REDIC1: variants seen among roughly 807,000 people sequenced by gnomAD.
The protein encoded by REDIC1 is regulator of DNA class I crossover intermediates 1, also known as HEI10 Interacting Protein 1.
the REDIC1 span, among the ~76,000 whole-genome samples, chr12:39,724,418 T>G: frequency 6.6e-6 from 1 of 152,126 alleles, no homozygotes; most frequent in Admixed American, 6.6e-5. Flanking sequence ...GCTGAGTTCC[T>G]CAGAAGGATT....
chr12:39,697,433 ACTGATAAT>A, the REDIC1 span, among the ~76,000 whole-genome samples: 1 of 152,246 alleles, frequency 6.6e-6, no homozygotes, highest in Non-Finnish European at 1.5e-5. Context: ...TACAAAACTC[ACTGATAAT>A]AATAAGTACA....
chr12:39,724,816 C>G, the REDIC1 span, among the ~76,000 whole-genome samples: 7 of 151,094 alleles, frequency 4.6e-5, no homozygotes, highest in African/African-American at 1.7e-4. Flanking sequence ...ATCCAGAATG[C>G]CAGAAGAGAA....
At chr12:39,798,981 G>T in the REDIC1 span, among the ~76,000 whole-genome samples, 1 of 150,260 alleles carries the variant, frequency 6.7e-6, no homozygotes, top group African/African-American at 2.4e-5. Context: ...AAACAAAGGT[G>T]TTGCTTGTTT....
chr12:39,881,159 T>C, the REDIC1 span, among the ~76,000 whole-genome samples: 1 of 152,200 alleles, frequency 6.6e-6, no homozygotes, highest in Non-Finnish European at 1.5e-5. Context: ...CAATAAAGGT[T>C]GAGTTATTTT....
chr12:39,725,828 G>A, the REDIC1 span, among the ~76,000 whole-genome samples: 65 of 151,874 alleles, frequency 4.3e-4, no homozygotes, highest in African/African-American at 1.1e-3. Flanking sequence ...AAACACAACC[G>A]TATGAGATAA....
chr12:39,812,995 A>T, the REDIC1 span, among the ~76,000 whole-genome samples: 10 of 13,158 alleles, frequency 7.6e-4, no homozygotes, highest in Admixed American at 2.3e-3. Context: ...ATGCCCAGCT[A>T]ATTTTTTTTT....
chr12:39,729,937 C>T, the REDIC1 span, among the ~76,000 whole-genome samples: 890 of 152,150 alleles, frequency 5.8e-3, 8 homozygotes, highest in African/African-American at 0.02. Flanking sequence ...CTTTTTTGAT[C>T]TTTGTTTGTT....
chr12:39,759,937 C>T, the REDIC1 span: 4 of 930,480 alleles, frequency 4.3e-6, no homozygotes, highest in Non-Finnish European at 6.7e-6. Context: ...GTGGAAAGAA[C>T]CAGATTAGAA....
the REDIC1 span, among the ~76,000 whole-genome samples, chr12:39,753,260 A>G: frequency 6.6e-6 from 1 of 152,180 alleles, no homozygotes; most frequent in Admixed American, 6.6e-5. Context: ...CAAAGCATCT[A>G]TAGTAAGATG....
chr12:39,714,893 C>T, the REDIC1 span, among the ~76,000 whole-genome samples: 3 of 151,802 alleles, frequency 2.0e-5, no homozygotes, highest in Non-Finnish European at 4.4e-5. Context: ...TGCCCTTAGC[C>T]CACTTTTTGA....
chr12:39,676,867 G>T, the REDIC1 span, among the ~76,000 whole-genome samples: 1 of 151,932 alleles, frequency 6.6e-6, no homozygotes, highest in East Asian at 1.9e-4. Context: ...GCTTCATAAT[G>T]TGAGATAAAG....
At chr12:39,820,985 TC>T in the REDIC1 span, among the ~76,000 whole-genome samples, 1 of 151,922 alleles carries the variant, frequency 6.6e-6, no homozygotes, top group Non-Finnish European at 1.5e-5. Flanking sequence ...ACTGCAGTGT[TC>T]CCCAAACTTC....
the REDIC1 span, among the ~76,000 whole-genome samples, chr12:39,873,280 A>G: frequency 4.3e-4 from 66 of 152,230 alleles, no homozygotes; most frequent in African/African-American, 1.5e-3. Flanking sequence ...AGAAATTCCC[A>G]GTGGAATTAC....
At chr12:39,749,600 T>G in the REDIC1 span, among the ~76,000 whole-genome samples, 1 of 152,158 alleles carries the variant, frequency 6.6e-6, no homozygotes, top group African/African-American at 2.4e-5. Flanking sequence ...TACCAAAGCC[T>G]GGCAGAGACA....
the REDIC1 span, among the ~76,000 whole-genome samples, chr12:39,649,662 T>C: frequency 6.6e-6 from 1 of 151,786 alleles, no homozygotes; most frequent in Non-Finnish European, 1.5e-5. Context: ...AAATCAAATG[T>C]ATGACAGATA....
At chr12:39,736,460 G>A in the REDIC1 span, among the ~76,000 whole-genome samples, 33 of 152,204 alleles carry the variant, frequency 2.2e-4, no homozygotes, top group African/African-American at 7.7e-4. Context: ...ACACCTGGTT[G>A]CCTAAGTAAG....
At chr12:39,896,486 A>G in the REDIC1 span, among the ~76,000 whole-genome samples, 67 of 147,238 alleles carry the variant, frequency 4.6e-4, 1 homozygote, top group African/African-American at 1.6e-3. Flanking sequence ...ATATGTGTAT[A>G]TATGTACACA....
At chr12:39,885,204 G>A in the REDIC1 span, among the ~76,000 whole-genome samples, 1 of 152,202 alleles carries the variant, frequency 6.6e-6, no homozygotes, top group Non-Finnish European at 1.5e-5. Context: ...GAGCTAGGAA[G>A]GCCAACAGGA....
the REDIC1 span, among the ~76,000 whole-genome samples, chr12:39,862,058 G>A: frequency 6.6e-6 from 1 of 152,150 alleles, no homozygotes; most frequent in African/African-American, 2.4e-5. Context: ...AGGCGCCAGT[G>A]TGTGTAGTTA....
Sources: gnomAD v4.1 joint callset for allele counts (sites outside exome capture counted in the v4.1 genomes callset) on GRCh38, gnomAD v4.1.1 for gene constraint, MANE v1.5 for transcripts, NCBI Gene and HGNC (gene_info 2026-07-23, HGNC 2026-07-21) for gene names.